The following DAB1 variants were observed in gnomAD, a reference collection of about 807,000 sequenced individuals.
The protein encoded by DAB1 is disabled homolog 1.
In DAB1, 15 loss-of-function variants were observed where a neutral mutation model predicts 64.6. The ratio of observed to expected loss-of-function variants is 0.23; its 90% CI spans 0.16 to 0.36. The LOEUF is 0.36. Among genes scored for constraint, DAB1 ranks in the 10% least tolerant of loss-of-function variants. The pLI, the probability that DAB1 is intolerant of heterozygous loss-of-function variation, is 1.00. For missense variants in DAB1, 596 were observed against 706.7 expected (o/e 0.84, Z 1.78); for synonymous variants, 235 against 251.9 (o/e 0.93, Z 0.64).
chr1:57,150,642 A>G (rs1279070555), intron 2 of DAB1, among the ~76,000 whole-genome samples: 1 of 152,044 alleles, frequency 6.6e-6, no homozygotes, highest in Non-Finnish European at 1.5e-5. Context: ...GGGTGGAGAA[A>G]CTGTATTTGG....
chr1:57,780,994 C>G (rs1650041690), intron 6 of DAB1, among the ~76,000 whole-genome samples: 1 of 151,202 alleles, frequency 6.6e-6, no homozygotes. Context: ...TCCCAAAGTG[C>G]TGGGATTACA....
At chr1:58,076,300 A>T (rs994364440) in intron 5 of DAB1, among the ~76,000 whole-genome samples, 2 of 152,224 alleles carry the variant, frequency 1.3e-5, no homozygotes, top group African/African-American at 4.8e-5. Context: ...ATTTGCCCAA[A>T]GTCACAGGTG....
Position 57,010,508 on chromosome 1 carries a change from C to T in DAB1, c.*15+172G>A, listed in dbSNP as rs189702573. On this transcript the variant is annotated intron_variant, in intron 14 of 14. Transcript: ENST00000371236. ...ATAGCTCAGGCAAGAAGAAATAGTG[C>T]AAACATCAGGAATACAGTTCAGGGA... is the stretch of plus-strand genomic sequence containing the variant. Among the ~76,000 whole-genome samples, 22 of 152,194 alleles carry T rather than the reference C, an allele frequency of 1.4e-4. No individual in the cohort carries two copies. In the East Asian group the frequency reaches 3.1e-3, roughly 21 times the overall value.
At chr1:58,373,950 T>C (rs964861892) in intron 3 of DAB1, among the ~76,000 whole-genome samples, 2 of 148,594 alleles carry the variant, frequency 1.3e-5, no homozygotes, top group East Asian at 3.9e-4. Context: ...CATTTTTTCA[T>C]GTGTTTCTTG....
At chr1:57,049,450 C>CAAAAAAAAA (rs574438911) in intron 9 of DAB1, among the ~76,000 whole-genome samples, 400 of 24,582 alleles carry the variant, frequency 0.016, 64 homozygotes, top group Middle Eastern at 0.071. Flanking sequence ...GACTCCGTCT[C>CAAAAAAAAA]AAAAAAAAAA....
intron 1 of DAB1, among the ~76,000 whole-genome samples, chr1:57,382,681 G>T (rs947708561): frequency 6.6e-6 from 1 of 152,000 alleles, no homozygotes; most frequent in African/African-American, 2.4e-5. Context: ...TCCTTCTCAC[G>T]CTGCCAACTC....
At chr1:57,206,968 CTTTTTTTT>C (rs201111039) in intron 2 of DAB1, among the ~76,000 whole-genome samples, 3 of 84,476 alleles carry the variant, frequency 3.6e-5, no homozygotes, top group African/African-American at 1.5e-4. Context: ...TCCTTCCTTC[CTTTTTTTT>C]TTTTTTTTTT....
intron 6 of DAB1, among the ~76,000 whole-genome samples, chr1:57,710,289 C>T (rs141242178): frequency 6.6e-6 from 1 of 152,100 alleles, no homozygotes; most frequent in Non-Finnish European, 1.5e-5. Flanking sequence ...TTACTTCTGC[C>T]TGGTGTCTCA....
intron 6 of DAB1, among the ~76,000 whole-genome samples, chr1:57,693,671 C>G (rs1232741434): frequency 6.6e-6 from 1 of 152,184 alleles, no homozygotes; most frequent in Admixed American, 6.5e-5. Context: ...CTCTTTGGGT[C>G]TGCACCACCT....
intron 1 of DAB1, among the ~76,000 whole-genome samples, chr1:57,859,109 C>T (rs568137324): frequency 7.9e-5 from 12 of 152,248 alleles, no homozygotes; most frequent in South Asian, 6.2e-4. Flanking sequence ...CCCTAAGCAG[C>T]CGAGATGGCT....
At chr1:57,614,601 T>G (rs1221066678) in intron 7 of DAB1, among the ~76,000 whole-genome samples, 1 of 152,174 alleles carries the variant, frequency 6.6e-6, no homozygotes, top group Non-Finnish European at 1.5e-5. Context: ...TGTGATACAG[T>G]CTTCTTTCCT....
At chr1:58,029,364 C>G (rs1489156145) in intron 5 of DAB1, among the ~76,000 whole-genome samples, 1 of 152,202 alleles carries the variant, frequency 6.6e-6, no homozygotes, top group East Asian at 1.9e-4. Flanking sequence ...CTTCTGATGT[C>G]AAGTCCACTT....
rs1645608840 is a variant in DAB1 at position 56,996,170 on chromosome 1, C to G, written c.*1974G>C. 6.6e-6 allele frequency: 1 copy of G among 152,154 alleles called. No homozygotes were observed. Among genetic ancestry groups the G allele is most frequent in the Non-Finnish European group, 1.5e-5 (1 of 68,042 alleles). The allele number at this position is 152,154 out of a possible 1,614,324, so 9.4% of individuals were successfully genotyped here. ...ATACAATCATTTTTCAAATGAATCT[C>G]CCAAATCATTTTAGTTTCTATTGAT... On this transcript the variant is annotated 3_prime_UTR_variant, in exon 15 of 15. Transcript: ENST00000371236.
chr1:57,379,854 A>G (rs1681221261), intron 1 of DAB1, among the ~76,000 whole-genome samples: 1 of 152,228 alleles, frequency 6.6e-6, no homozygotes, highest in South Asian at 2.1e-4. Context: ...GCTTGCGTTC[A>G]AAATCTGCTA....
chr1:58,379,547 A>G (rs1644368685), intron 3 of DAB1, among the ~76,000 whole-genome samples: 1 of 152,252 alleles, frequency 6.6e-6, no homozygotes, highest in South Asian at 2.1e-4. Flanking sequence ...ATTTCTAATA[A>G]CTACCTATTA....
chr1:58,056,197 C>A, intron 5 of DAB1: 1 of 1,527,058 alleles, frequency 6.5e-7, no homozygotes. Flanking sequence ...TGGGGGTGTT[C>A]GGTCCTTGCG....
At chr1:57,958,978 T>A (rs1240334599) in intron 5 of DAB1, among the ~76,000 whole-genome samples, 3 of 152,192 alleles carry the variant, frequency 2.0e-5, no homozygotes, top group Non-Finnish European at 2.9e-5. Flanking sequence ...TAATATATCT[T>A]CTTTTGGGAG....
At position 58,235,065 on chromosome 1, in the gene DAB1, C is replaced by T. The variant is rs572250794; in HGVS notation, n.310-84477G>A. Among the ~76,000 whole-genome samples the T allele has an allele frequency of 1.7e-3, 264 of 152,332 alleles. 1 individual carries two copies. The highest frequency in any genetic ancestry group is 3.0e-3 in the Non-Finnish European group (203 of 68,040). The stretch of plus-strand genomic sequence containing the variant: ...TAGTGTAATACTGGACAAGTTAATC[C>T]GGCCCCTCGCCACACACCCTGCCTC... On this transcript the variant is annotated intron_variant and non_coding_transcript_variant, in intron 4 of 20. Coordinates refer to the DAB1 transcript ENST00000485760.
intron 6 of DAB1, among the ~76,000 whole-genome samples, chr1:57,733,565 A>G (rs1002434623): frequency 8.5e-5 from 13 of 152,124 alleles, no homozygotes; most frequent in Non-Finnish European, 1.8e-4. Context: ...TATGCATAGG[A>G]GCCAAATTGG....
Sources: gnomAD v4.1 joint callset for allele counts (sites outside exome capture counted in the v4.1 genomes callset) on GRCh38, gnomAD v4.1.1 for gene constraint, MANE v1.5 for transcripts, NCBI Gene and HGNC (gene_info 2026-07-23, HGNC 2026-07-21) for gene names.